Variants in NETO1 observed in about 807,000 individuals in gnomAD.
NETO1 encodes the protein neuropilin and tolloid like 1, also known as neuropilin and tolloid-like protein 1.
A neutral mutation model predicts 61.3 loss-of-function variants in NETO1; 26 were observed. The ratio of observed to expected loss-of-function variants is 0.42; its 90% CI spans 0.31 to 0.59. The LOEUF (loss-of-function observed/expected upper bound fraction) is 0.59. Ranked by LOEUF, NETO1 falls within the 20% of genes least tolerant of loss-of-function variation. The probability of loss-of-function intolerance (pLI) is 0.12; values close to 1 mark genes in which losing one functional copy is unlikely to be tolerated. For missense variants in NETO1, 531 were observed against 662.8 expected, an observed-to-expected ratio of 0.80 and a Z score of 2.18; for synonymous variants, 225 against 225.8, an observed-to-expected ratio of 1.00 and a Z score of 0.03.
At chr18:72,810,270 G>C (rs879721081) in intron 4 of NETO1, among the ~76,000 whole-genome samples, 1 of 152,052 alleles carries the variant, frequency 6.6e-6, no homozygotes, top group Non-Finnish European at 1.5e-5. Flanking sequence ...GGTTTGAACG[G>C]GCATCTGAAA....
intron 4 of NETO1, among the ~76,000 whole-genome samples, chr18:72,814,400 C>A (rs755556786): frequency 2.5e-4 from 38 of 149,588 alleles, no homozygotes; most frequent in Admixed American, 8.7e-4. Flanking sequence ...TAATTTAATT[C>A]CAAAAATAAA....
intron 4 of NETO1, among the ~76,000 whole-genome samples, chr18:72,808,419 TTGTGTGTGTGTGTG>T (rs368047239): frequency 1.4e-5 from 2 of 141,926 alleles, no homozygotes; most frequent in African/African-American, 2.6e-5. Context: ...CACTGCAGAT[TTGTGTGTGTGTGTG>T]TGTGTGTGTG....
chr18:72,815,944 A>G (rs1375067967), intron 4 of NETO1, among the ~76,000 whole-genome samples: 1 of 152,230 alleles, frequency 6.6e-6, no homozygotes, highest in Non-Finnish European at 1.5e-5. Context: ...ACTCAACAGA[A>G]TGTTGAAAAT....
intron 4 of NETO1, chr18:72,835,459 GTT>G (rs2145427086): frequency 2.0e-6 from 1 of 490,504 alleles, no homozygotes; most frequent in Non-Finnish European, 3.6e-6. Flanking sequence ...TAAAACTCCT[GTT>G]TATTCTATTC....
At chr18:72,847,078 C>T (rs2074112296) in intron 4 of NETO1, among the ~76,000 whole-genome samples, 1 of 152,220 alleles carries the variant, frequency 6.6e-6, no homozygotes, top group Admixed American at 6.5e-5. Flanking sequence ...ACTCTTGGGG[C>T]TTTGAAGTGC....
At chr18:72,815,571 T>A (rs1042666491) in intron 4 of NETO1, among the ~76,000 whole-genome samples, 1 of 152,120 alleles carries the variant, frequency 6.6e-6, no homozygotes, top group Non-Finnish European at 1.5e-5. Flanking sequence ...TTATTAATAA[T>A]AAACAAAATG....
intron 4 of NETO1, among the ~76,000 whole-genome samples, chr18:72,825,748 C>G (rs1056292236): frequency 9.2e-5 from 14 of 152,120 alleles, no homozygotes; most frequent in African/African-American, 3.1e-4. Flanking sequence ...GCACAAAACT[C>G]TATTTTGTCA....
intron 4 of NETO1, among the ~76,000 whole-genome samples, chr18:72,840,361 G>C (rs2073891103): frequency 6.6e-6 from 1 of 152,166 alleles, no homozygotes. Context: ...TGCTACATGC[G>C]GGCAGTTAGG....
At chr18:72,771,042 G>A (rs1423695564) in intron 7 of NETO1, among the ~76,000 whole-genome samples, 1 of 152,090 alleles carries the variant, frequency 6.6e-6, no homozygotes, top group African/African-American at 2.4e-5. Flanking sequence ...TAATCTCAGA[G>A]GGTTATTGAG....
chr18:72,795,266 C>G (rs1209644593), intron 4 of NETO1, among the ~76,000 whole-genome samples: 1 of 152,174 alleles, frequency 6.6e-6, no homozygotes, highest in Non-Finnish European at 1.5e-5. Flanking sequence ...AGAAAGTTTT[C>G]CTCGTAATAG....
At chr18:72,776,945 G>A (rs1200106480) in intron 7 of NETO1, among the ~76,000 whole-genome samples, 4 of 152,210 alleles carry the variant, frequency 2.6e-5, no homozygotes, top group Admixed American at 2.0e-4. Context: ...AGGTATGAGT[G>A]AGGCTCCTTA....
At chr18:72,803,207 C>G (rs1358794108) in intron 4 of NETO1, among the ~76,000 whole-genome samples, 1 of 152,074 alleles carries the variant, frequency 6.6e-6, no homozygotes, top group Non-Finnish European at 1.5e-5. Flanking sequence ...TGACAGCTTC[C>G]CAACGCTGAG....
chr18:72,761,186 A>G (rs1206264725), intron 7 of NETO1, among the ~76,000 whole-genome samples: 1 of 152,218 alleles, frequency 6.6e-6, no homozygotes, highest in African/African-American at 2.4e-5. Flanking sequence ...TGTAAAGTGA[A>G]GAAAATCATT....
chr18:72,865,167 C>G (rs556538660), intron 2 of NETO1, 21 bp downstream of exon 2: 1 of 1,607,124 alleles, frequency 6.2e-7, no homozygotes, highest in East Asian at 2.2e-5. Flanking sequence ...CTTCCACTAG[C>G]ATTTTTCTAA....
chr18:72,751,048 A>AACACACACACAC (rs2070594981), intron 8 of NETO1, among the ~76,000 whole-genome samples: 1 of 29,450 alleles, frequency 3.4e-5, no homozygotes, highest in Non-Finnish European at 7.4e-5. Context: ...CTCATCTTAA[A>AACACACACACAC]ATACACACAC....
chr18:72,792,009 A>G (rs2072136302), intron 6 of NETO1, among the ~76,000 whole-genome samples: 2 of 152,232 alleles, frequency 1.3e-5, no homozygotes, highest in Non-Finnish European at 2.9e-5. Flanking sequence ...TCAAAGCTGG[A>G]AGCTGGAGAA....
chr18:72,857,023 T>G (rs1599173511), intron 4 of NETO1, among the ~76,000 whole-genome samples: 1 of 152,204 alleles, frequency 6.6e-6, no homozygotes, highest in African/African-American at 2.4e-5. Flanking sequence ...CTAGAAGAGG[T>G]GTAGATGGTT....
At chr18:72,810,752 G>C (rs937582729) in intron 4 of NETO1, among the ~76,000 whole-genome samples, 1 of 152,198 alleles carries the variant, frequency 6.6e-6, no homozygotes, top group African/African-American at 2.4e-5. Context: ...CAAGAGCATG[G>C]AAGGTGATTT....
At chr18:72,820,678 C>T (rs1165646953) in intron 4 of NETO1, among the ~76,000 whole-genome samples, 1 of 152,214 alleles carries the variant, frequency 6.6e-6, no homozygotes, top group Non-Finnish European at 1.5e-5. Flanking sequence ...GCAAGTGGTC[C>T]TCTCTAACGA....
Sources: gnomAD v4.1 joint callset for allele counts (sites outside exome capture counted in the v4.1 genomes callset) on GRCh38, gnomAD v4.1.1 for gene constraint, MANE v1.5 for transcripts, NCBI Gene and HGNC (gene_info 2026-07-23, HGNC 2026-07-21) for gene names.